The following ZNF584 variants were observed in gnomAD, a reference collection of about 807,000 sequenced individuals.
The protein encoded by ZNF584 is zinc finger protein 584.
A neutral mutation model predicts 14.7 loss-of-function variants in ZNF584; 12 were observed. The ratio of observed to expected loss-of-function variants is 0.82; its 90% CI spans 0.52 to 1.32. ZNF584 has a LOEUF of 1.32. Ranked by LOEUF, ZNF584 falls within the 40% of genes most tolerant of loss-of-function variation. The pLI is 0.00. For missense variants in ZNF584, 478 were observed against 518.8 expected (o/e 0.92, Z 0.76); for synonymous variants, 204 against 190.9 (o/e 1.07, Z -0.57).
At chr19:58,415,786 T>C (rs1258536637) in intron 3 of ZNF584, 140 bp downstream of exon 3, 3 of 1,610,026 alleles carry the variant, frequency 1.9e-6, no homozygotes, top group South Asian at 2.2e-5. Context: ...ATGTGGACAC[T>C]GTGCAGTCTG....
Position 58,418,047 on chromosome 19 carries a change from C to A in ZNF584, c.*263C>A. On this transcript the variant is annotated 3_prime_UTR_variant, in exon 4 of 4. Transcript: ENST00000306910. ...CATAAGGTCCCTACAGCAAGTGGGACAGCAGACCTTGTGCTCCTTGCTCTA... is the reference window on the plus strand; with the variant it reads ...CATAAGGTCCCTACAGCAAGTGGGAAAGCAGACCTTGTGCTCCTTGCTCTA... The A allele has an allele frequency of 2.0e-6, 1 of 496,248 alleles. No individual in the cohort carries two copies. Among genetic ancestry groups the A allele is most frequent in the South Asian group, 2.7e-5 (1 of 36,686 alleles). The allele number at this position is 496,248 out of a possible 1,614,324, so 30.7% of individuals were successfully genotyped here.
chr19:58,410,544 T>TTTTTTTTTTTTTTTTTTTTTTTTTGAGAC, intron 2 of ZNF584, among the ~76,000 whole-genome samples: 1 of 61,730 alleles, frequency 1.6e-5, no homozygotes, highest in Non-Finnish European at 2.7e-5. Context: ...TATATATATA[T>TTTTTTTTTTTTTTTTTTTTTTTTTGAGAC]ATATATATAT....
Position 58,417,861 on chromosome 19 carries a change from A to G in ZNF584, c.*77A>G. ...GGCCGTGAGAGTGCCATCCGAAAGA[A>G]GCTAAACCTTGCACATCCCAACACC... On this transcript the variant is annotated 3_prime_UTR_variant, in exon 4 of 4. Coordinates refer to ENST00000306910, the MANE Select transcript of ZNF584 (RefSeq NM_173548.3). 3 of 1,514,694 alleles carry G rather than the reference A, an allele frequency of 2.0e-6. No individual in the cohort carries two copies. Among genetic ancestry groups the G allele is most frequent in the Non-Finnish European group, 2.7e-6 (3 of 1,129,146 alleles). 93.8% of individuals were successfully genotyped at this position (1,514,694 alleles called of 1,614,324 possible).
upstream of ZNF584, chr19:58,405,447 AC>A (rs1224161995): frequency 4.4e-5 from 6 of 137,110 alleles, no homozygotes; most frequent in Non-Finnish European, 7.6e-5. Context: ...CGGGGGGCTG[AC>A]CCCCCCACCT....
intron 1 of ZNF584, 130 bp downstream of exon 1, chr19:58,409,295 G>T: frequency 8.9e-7 from 1 of 1,124,814 alleles, no homozygotes; most frequent in South Asian, 2.2e-5. Flanking sequence ...GCACGGCTGG[G>T]GCATGCCCTT....
chr19:58,401,576 G>C (rs1275186357), exon 1 of ZNF584: 2 of 152,192 alleles, frequency 1.3e-5, no homozygotes, highest in Admixed American at 6.5e-5. Context: ...CCAGCACTCC[G>C]ATGGCGCTGG....
Position 58,417,019 on chromosome 19 carries a change from G to A in ZNF584, c.501G>A (p.Val167=). The change falls in exon 4 of 4, where the codon GTG becomes GTA. Residue 167 remains valine, a synonymous_variant. Coordinates refer to ENST00000306910, the MANE Select transcript of ZNF584 (RefSeq NM_173548.3). ...TCAAATGCAGTGACTGTGGGAAGGTGTTCTTAAAGGCCTTTGCCCTCCTTG... is the reference window on the plus strand; with the variant it reads ...TCAAATGCAGTGACTGTGGGAAGGTATTCTTAAAGGCCTTTGCCCTCCTTG... ...KLFKCSDCGK[V]FLKAFALLDH... is the part of the protein sequence containing the mutation. 1 of 1,610,314 alleles carries A rather than the reference G, an allele frequency of 6.2e-7. No homozygotes were observed. Among genetic ancestry groups the A allele is most frequent in the Non-Finnish European group, 8.5e-7 (1 of 1,177,752 alleles).
chr19:58,412,349 A>G lies in ZNF584; in HGVS notation c.169+2258A>G, dbSNP rs547660013. On this transcript the variant is annotated intron_variant, in intron 2 of 3. Transcript: ENST00000306910. ...CTCAGCCTCCCGAGTAGCTGGGACT[A>G]CAGGCGCCCGCCACCGCGCCCGGCT... Among the ~76,000 whole-genome samples, 547 of 151,388 alleles carry G rather than the reference A, an allele frequency of 3.6e-3. 4 individuals are homozygous for G. Among genetic ancestry groups the G allele is most frequent in the Non-Finnish European group, 6.2e-3 (421 of 67,882 alleles).
At chr19:58,416,061 G>A (rs2052638692) in intron 3 of ZNF584, 4 of 1,242,634 alleles carry the variant, frequency 3.2e-6, no homozygotes, top group Non-Finnish European at 4.4e-6. Context: ...CAGCAGCCAA[G>A]GCCCTGCTGA....
At chr19:58,409,878 G>A in intron 1 of ZNF584, 63 bp from the exon 2 acceptor site, 2 of 1,602,184 alleles carry the variant, frequency 1.2e-6, no homozygotes, top group East Asian at 4.5e-5. Context: ...ACAGGTCAAG[G>A]GCCTGAATGT....
chr19:58,402,732 G>C (rs891639352), intron 1 of ZNF584, among the ~76,000 whole-genome samples: 8 of 149,118 alleles, frequency 5.4e-5, no homozygotes, highest in African/African-American at 2.0e-4. Flanking sequence ...TGACAGGCAG[G>C]AGAATCGCTT....
upstream of ZNF584, among the ~76,000 whole-genome samples, chr19:58,403,798 A>T (rs1395305582): frequency 6.6e-6 from 1 of 151,892 alleles, no homozygotes; most frequent in Non-Finnish European, 1.5e-5. Context: ...GTGAAACCCC[A>T]ACTCTACTAA....
intron 1 of ZNF584, among the ~76,000 whole-genome samples, chr19:58,402,787 G>A (rs2052439948): frequency 8.2e-6 from 1 of 122,518 alleles, no homozygotes; most frequent in Non-Finnish European, 1.6e-5. Context: ...TTGCACCATT[G>A]CACTCCAGCC....
intron 3 of ZNF584, chr19:58,415,857 AT>A: frequency 6.3e-7 from 1 of 1,599,714 alleles, no homozygotes; most frequent in Non-Finnish European, 8.5e-7. Context: ...GCGTCTCCTC[AT>A]TGCCCTTCTC....
Position 58,410,015 on chromosome 19 carries a change from G to A in ZNF584, c.93G>A (p.Trp31Ter). ...DVTVYFSREE[W>*]GLLNVTQKGL... is the part of the protein sequence containing the mutation. ...CGGTATATTTCTCCAGGGAGGAGTG[G>A]GGGCTCCTTAATGTGACCCAGAAGG... Residue 31 changes from tryptophan (W) to a stop codon, truncating the protein, a stop_gained, in exon 2 of 4, where the codon TGG becomes TGA. Transcript: ENST00000306910. LOFTEE classifies it high-confidence loss of function. 6.2e-7 allele frequency: 1 copy of A among 1,614,034 alleles called. No homozygotes were observed. Among genetic ancestry groups the A allele is most frequent in the Non-Finnish European group, 8.5e-7 (1 of 1,179,992 alleles).
chr19:58,415,741 G>T, intron 3 of ZNF584, 95 bp downstream of exon 3: 1 of 1,611,686 alleles, frequency 6.2e-7, no homozygotes, highest in South Asian at 1.1e-5. Context: ...TGAGGGCAGT[G>T]ACCATACCTT....
In ZNF584 at chr19:58,408,954, C is replaced by T. The variant is rs960030699; in HGVS notation, c.-194C>T. On this transcript the variant is annotated 5_prime_UTR_variant, in exon 1 of 4. Coordinates refer to ENST00000306910, the MANE Select transcript of ZNF584 (RefSeq NM_173548.3). ...AGACTTATCGCTCGCGGACAGGCGC[C>T]GTGGGTCTCCCGGGCCTCCGTACCG... 3.6e-6 allele frequency: 2 copies of T among 560,188 alleles called. No individual in the cohort carries two copies. The highest frequency in any genetic ancestry group is 2.9e-6 in the Non-Finnish European group (1 of 343,688). The allele number at this position is 560,188 out of a possible 1,614,324, so 34.7% of individuals were successfully genotyped here. A position where few individuals can be genotyped will look rare whatever the true frequency, so the allele number is the denominator to read the frequency against.
chr19:58,409,303 C>T, intron 1 of ZNF584, 138 bp downstream of exon 1: 1 of 1,051,020 alleles, frequency 9.5e-7, no homozygotes, highest in Non-Finnish European at 1.3e-6. Flanking sequence ...GGGGCATGCC[C>T]TTGGCAGTGG....
chr19:58,413,816 CT>C (rs961344276), intron 2 of ZNF584, among the ~76,000 whole-genome samples: 51 of 150,898 alleles, frequency 3.4e-4, no homozygotes, highest in African/African-American at 9.5e-4. Flanking sequence ...TTTTTCTTTT[CT>C]TTTCTTTTTT....
Sources: allele counts gnomAD v4.1 joint callset (sites outside exome capture counted in the v4.1 genomes callset), GRCh38; gene constraint gnomAD v4.1.1; transcripts MANE v1.5; gene names NCBI Gene and HGNC (gene_info 2026-07-23, HGNC 2026-07-21).